Variants in GARIN1B observed in about 807,000 individuals in gnomAD.
The protein encoded by GARIN1B is Golgi-associated RAB2 interactor protein 1B.
At chr7:128,724,905 A>C in the GARIN1B span, 8 of 1,277,576 alleles carry the variant, frequency 6.3e-6, no homozygotes, top group Non-Finnish European at 8.1e-6. Context: ...CATGGGCCCA[A>C]GTCATTGCTC....
the GARIN1B span, among the ~76,000 whole-genome samples, chr7:128,727,271 T>C: frequency 6.6e-6 from 1 of 152,198 alleles, no homozygotes; most frequent in Non-Finnish European, 1.5e-5. Flanking sequence ...GCAAGAAGTT[T>C]ATAATTTGGT....
At chr7:128,725,649 G>A in the GARIN1B span, among the ~76,000 whole-genome samples, 1 of 152,164 alleles carries the variant, frequency 6.6e-6, no homozygotes, top group African/African-American at 2.4e-5. Context: ...TGGTATTATA[G>A]GAGGGAGCCA....
the GARIN1B span, chr7:128,715,622 C>T: frequency 8.0e-5 from 129 of 1,614,078 alleles, no homozygotes; most frequent in African/African-American, 1.1e-3. Flanking sequence ...ACTGCTCTGC[C>T]GGGTGGTTCA....
At chr7:128,726,695 C>T in the GARIN1B span, 1 of 851,034 alleles carries the variant, frequency 1.2e-6, no homozygotes, top group Non-Finnish European at 1.8e-6. Flanking sequence ...ATAGCCACAG[C>T]TGGCCTTTTT....
the GARIN1B span, among the ~76,000 whole-genome samples, chr7:128,727,521 C>A: frequency 2.0e-5 from 3 of 152,170 alleles, no homozygotes; most frequent in Non-Finnish European, 2.9e-5. Context: ...GGGAGCATGA[C>A]ACATTCTGGA....
chr7:128,716,623 T>C, the GARIN1B span, among the ~76,000 whole-genome samples: 1 of 152,170 alleles, frequency 6.6e-6, no homozygotes, highest in African/African-American at 2.4e-5. Flanking sequence ...TGGCTGGTAG[T>C]GCTACTAGAA....
chr7:128,725,143 A>G, the GARIN1B span: 2 of 186,648 alleles, frequency 1.1e-5, no homozygotes, highest in Non-Finnish European at 2.3e-5. Context: ...AAAACTATTA[A>G]CACAAGAAAA....
At chr7:128,717,937 A>G in the GARIN1B span, among the ~76,000 whole-genome samples, 2 of 151,724 alleles carry the variant, frequency 1.3e-5, no homozygotes, top group African/African-American at 4.8e-5. Flanking sequence ...AAAACCCTTC[A>G]TTTCTCCATG....
At chr7:128,714,808 C>A in the GARIN1B span, among the ~76,000 whole-genome samples, 1 of 152,094 alleles carries the variant, frequency 6.6e-6, no homozygotes, top group Non-Finnish European at 1.5e-5. Context: ...TCCCAGCCAG[C>A]GCCCTGACAA....
chr7:128,727,261 G>A, the GARIN1B span, among the ~76,000 whole-genome samples: 1 of 152,150 alleles, frequency 6.6e-6, no homozygotes, highest in South Asian at 2.1e-4. Context: ...CCATGTTCCC[G>A]CAAGAAGTTT....
the GARIN1B span, chr7:128,715,499 G>C: frequency 6.2e-7 from 1 of 1,614,134 alleles, no homozygotes; most frequent in Admixed American, 1.7e-5. Flanking sequence ...GACAGTAAAA[G>C]TCACAAGATC....
the GARIN1B span, chr7:128,715,238 A>G: frequency 1.0e-6 from 1 of 985,194 alleles, no homozygotes; most frequent in Non-Finnish European, 1.2e-6. Context: ...CCAGGCACGG[A>G]TAAGGCACAC....
chr7:128,720,541 C>G, the GARIN1B span, among the ~76,000 whole-genome samples: 1 of 152,088 alleles, frequency 6.6e-6, no homozygotes. Flanking sequence ...TTTGTTCATT[C>G]CAAAGTCACA....
At chr7:128,731,347 T>C in the GARIN1B span, 6 of 591,206 alleles carry the variant, frequency 1.0e-5, no homozygotes, top group South Asian at 1.3e-4. Context: ...TAGCAAGATG[T>C]GCTCTCAGAA....
chr7:128,715,662 C>G, the GARIN1B span: 1 of 1,614,120 alleles, frequency 6.2e-7, no homozygotes, highest in Non-Finnish European at 8.5e-7. Context: ...TTTCTTGACT[C>G]CGTGGTGTTT....
At chr7:128,730,971 A>G in the GARIN1B span, 4 of 880,318 alleles carry the variant, frequency 4.5e-6, no homozygotes, top group East Asian at 1.0e-4. Context: ...GCCACCACCA[A>G]CCCTTATAAG....
chr7:128,725,781 T>C, the GARIN1B span, among the ~76,000 whole-genome samples: 1 of 152,154 alleles, frequency 6.6e-6, no homozygotes, highest in Non-Finnish European at 1.5e-5. Flanking sequence ...GGGAAATGCA[T>C]TCCCCATTTT....
chr7:128,713,808 T>G, the GARIN1B span: 673 of 468,430 alleles, frequency 1.4e-3, 6 homozygotes, highest in Admixed American at 0.014. Context: ...CCAAGTATAC[T>G]CAAATTGTAT....
At chr7:128,716,937 A>C in the GARIN1B span, 3 of 1,613,966 alleles carry the variant, frequency 1.9e-6, no homozygotes, top group South Asian at 3.3e-5. Flanking sequence ...GTCAAATGGC[A>C]CCAGGGGCAG....
Sources: gnomAD v4.1 joint callset for allele counts (sites outside exome capture counted in the v4.1 genomes callset) on GRCh38, gnomAD v4.1.1 for gene constraint, MANE v1.5 for transcripts, NCBI Gene and HGNC (gene_info 2026-07-23, HGNC 2026-07-21) for gene names.